EIF2AK2: variants seen among roughly 807,000 people sequenced by gnomAD.
EIF2AK2 encodes eukaryotic translation initiation factor 2 alpha kinase 2.
In EIF2AK2, 40 loss-of-function variants were observed where a neutral mutation model predicts 70.5. That is an observed-to-expected ratio of 0.57 (90% CI 0.44 to 0.74). The LOEUF (loss-of-function observed/expected upper bound fraction) is 0.74. Ranked by LOEUF, EIF2AK2 falls within the 30% of genes least tolerant of loss-of-function variation. The pLI, the probability that EIF2AK2 is intolerant of heterozygous loss-of-function variation, is 0.00. For synonymous variants in EIF2AK2, 198 were observed against 220.9 expected, an observed-to-expected ratio of 0.90 and a Z score of 0.92; for missense variants, 555 against 644.3, an observed-to-expected ratio of 0.86 and a Z score of 1.50.
intron 14 of EIF2AK2, 92 bp downstream of exon 14, chr2:37,114,639 G>A: frequency 2.5e-6 from 3 of 1,196,456 alleles, no homozygotes; most frequent in Non-Finnish European, 3.3e-6. Context: ...ATATACTTCT[G>A]TACAGTTTTA....
At chr2:37,145,469 T>C (rs1675499511) in intron 4 of EIF2AK2, among the ~76,000 whole-genome samples, 1 of 152,176 alleles carries the variant, frequency 6.6e-6, no homozygotes, top group Admixed American at 6.6e-5. Context: ...CTAAGTGTTA[T>C]TTGGAAAGAG....
In EIF2AK2 at chr2:37,100,624, T is replaced by A. The variant is rs1673805066; in HGVS notation, c.*6649A>T. The A allele has an allele frequency of 6.6e-6, 1 of 152,252 alleles. No individual in the cohort carries two copies. The highest frequency in any genetic ancestry group is 1.5e-5 in the Non-Finnish European group (1 of 68,046). 9.4% of individuals were successfully genotyped at this position (152,252 alleles called of 1,614,324 possible). A position where few individuals can be genotyped will look rare whatever the true frequency, so the allele number is the denominator to read the frequency against. ...AATGTAAGATTTGGATAAGTCATAA[T>A]CACAGATCAGAAACTGCAGACATTG... On this transcript the variant is annotated 3_prime_UTR_variant, in exon 17 of 17. Coordinates refer to ENST00000233057, the MANE Select transcript of EIF2AK2 (RefSeq NM_001135651.3).
intron 4 of EIF2AK2, among the ~76,000 whole-genome samples, chr2:37,143,222 C>CAAAAAAA (rs34947987): frequency 1.3e-4 from 15 of 112,218 alleles, no homozygotes; most frequent in Non-Finnish European, 2.1e-4. Flanking sequence ...GACTCTGTCT[C>CAAAAAAA]AAAAAAAAAA....
At chr2:37,115,084 G>T in intron 13 of EIF2AK2, 1 of 189,646 alleles carries the variant, frequency 5.3e-6, no homozygotes, top group Non-Finnish European at 1.0e-5. Context: ...GTCTCGCTCT[G>T]TCACCCAAGC....
At chr2:37,109,405 G>T in intron 14 of EIF2AK2, 110 bp from the exon 15 acceptor site, 1 of 869,072 alleles carries the variant, frequency 1.2e-6, no homozygotes, top group African/African-American at 1.7e-5. Flanking sequence ...ACAAAACAAT[G>T]TCTATTTATT....
rs1209830753 is a variant in EIF2AK2, at chr2:37,099,596, AAT to A, written c.*7675_*7676del. 6.6e-6 allele frequency: 1 copy of A among 152,214 alleles called. No individual in the cohort carries two copies. Among genetic ancestry groups the A allele is most frequent in the East Asian group, 1.9e-4 (1 of 5,202 alleles). The allele number at this position is 152,214 out of a possible 1,614,324, so 9.4% of individuals were successfully genotyped here. A position where few individuals can be genotyped will look rare whatever the true frequency, so the allele number is the denominator to read the frequency against. ...AATTTGGGTTCTGAAAGATGGATAT[AAT>A]TTTGATATGCAAAGTTATGAGGAAA... On this transcript the variant is annotated 3_prime_UTR_variant, in exon 17 of 17. Coordinates refer to ENST00000233057, the MANE Select transcript of EIF2AK2 (RefSeq NM_001135651.3).
In EIF2AK2 at chr2:37,146,435, G is replaced by C. The variant is rs139045359; in HGVS notation, c.240+418C>G. Reference sequence around the variant, plus strand: ...ATTTTGGCATCCACAGGGAGTCCTGGTACCAATTCCCCACAGAGAGTGAGT... The same window carrying C: ...ATTTTGGCATCCACAGGGAGTCCTGCTACCAATTCCCCACAGAGAGTGAGT... On this transcript the variant is annotated intron_variant, in intron 4 of 16. Transcript: ENST00000233057. Among the ~76,000 whole-genome samples, 193 of 152,268 alleles carry C rather than the reference G, an allele frequency of 1.3e-3. 1 individual carries two copies. The highest frequency in any genetic ancestry group is 4.1e-3 in the Admixed American group (63 of 15,304).
At chr2:37,130,127 G>A (rs1346004466) in intron 10 of EIF2AK2, among the ~76,000 whole-genome samples, 1 of 148,488 alleles carries the variant, frequency 6.7e-6, no homozygotes. Context: ...TTGAGATGGA[G>A]TCTTGCTCTT....
In EIF2AK2 at chr2:37,155,950, A is replaced by AAAAAAGAAAAG. The variant is rs10638880; in HGVS notation, c.-184+957_-184+958insCTTTTCTTTTT. On this transcript the variant is annotated intron_variant, in intron 1 of 16. Transcript: ENST00000233057. Reference sequence around the variant, plus strand: ...GTGAGAATCTGTCTCAAAAAAAAAAAAAAAGAAAAGAAAAGAAAGAAAATG... The same window carrying AAAAAAGAAAAG: ...GTGAGAATCTGTCTCAAAAAAAAAAAAAAAAGAAAAGAAAAGAAAAGAAAAGAAAGAAAATG... Among the ~76,000 whole-genome samples, 7 of 139,028 alleles carry AAAAAAGAAAAG rather than the reference A, an allele frequency of 5.0e-5. No individual in the cohort carries two copies. The East Asian group carries it at 6.6e-4, about 13-fold the overall frequency. The allele number at this position is 139,028 out of a possible 152,430, so 91.2% of individuals were successfully genotyped here. A position where few individuals can be genotyped will look rare whatever the true frequency, so the allele number is the denominator to read the frequency against.
rs766382621 is a variant in EIF2AK2 at position 37,120,093 on chromosome 2, C to G, written c.1114G>C (p.Gly372Arg). 6.7e-7 allele frequency: 1 copy of G among 1,493,068 alleles called. No individual in the cohort carries two copies. The highest frequency in any genetic ancestry group is 2.0e-5 in the Admixed American group (1 of 50,650). The allele number at this position is 1,493,068 out of a possible 1,614,324, so 92.5% of individuals were successfully genotyped here. The change falls in exon 13 of 17, where the codon GGG becomes CGG. Residue 372 changes from glycine to arginine, a missense_variant. Transcript: ENST00000233057. Reference protein sequence around the residue: ...LFIQMEFCDKGTLEQWIEKRR... With the variant: ...LFIQMEFCDKRTLEQWIEKRR... The stretch of plus-strand genomic sequence containing the variant: ...TTTTCAATCCATTGTTCCAAGGTCC[C>G]TTTATCACAGAATTCCATTTGGATG...
In EIF2AK2 at chr2:37,102,575, A is replaced by T. The variant is rs1673852613; in HGVS notation, c.*4698T>A. 1 of 152,198 alleles carries T rather than the reference A, an allele frequency of 6.6e-6. No individual in the cohort carries two copies. The allele number at this position is 152,198 out of a possible 1,614,324, so 9.4% of individuals were successfully genotyped here. A position where few individuals can be genotyped will look rare whatever the true frequency, so the allele number is the denominator to read the frequency against. On this transcript the variant is annotated 3_prime_UTR_variant, in exon 17 of 17. Coordinates refer to ENST00000233057, the MANE Select transcript of EIF2AK2 (RefSeq NM_001135651.3). The stretch of plus-strand genomic sequence containing the variant: ...TGTAGCCTTTTAAACATTTCTTCTC[A>T]GATACATACATGCATATATATGTAT...
Position 37,116,813 on chromosome 2 carries a change from C to T in EIF2AK2, c.1249-1954G>A, listed in dbSNP as rs369388292. Among the ~76,000 whole-genome samples, 22 of 152,286 alleles carry T rather than the reference C, an allele frequency of 1.4e-4. 1 individual carries two copies. The South Asian group carries it at 4.4e-3, about 30-fold the overall frequency. Reference sequence around the variant, plus strand: ...CTGCTAGTCCCACATAAGGCTATCACCTGACTCTAAGAAACAGAAAATTGA... The same window carrying T: ...CTGCTAGTCCCACATAAGGCTATCATCTGACTCTAAGAAACAGAAAATTGA... On this transcript the variant is annotated intron_variant, in intron 13 of 16. Coordinates refer to ENST00000233057, the MANE Select transcript of EIF2AK2 (RefSeq NM_001135651.3).
chr2:37,111,879 ATATATATATAT>A (rs1462080397), intron 14 of EIF2AK2, among the ~76,000 whole-genome samples: 501 of 41,166 alleles, frequency 0.012, 7 homozygotes, highest in Non-Finnish European at 0.017. Flanking sequence ...AAAAAAAAAA[ATATATATATAT>A]ATATATATAT....
At chr2:37,126,527 T>G in intron 10 of EIF2AK2, 116 bp from the exon 11 acceptor site, 46 of 1,339,086 alleles carry the variant, frequency 3.4e-5, no homozygotes, top group Non-Finnish European at 3.8e-5. Flanking sequence ...ACAAATTTGA[T>G]TCTCTCCTTC....
intron 10 of EIF2AK2, among the ~76,000 whole-genome samples, chr2:37,130,818 C>A (rs868604398): frequency 2.0e-5 from 3 of 152,194 alleles, no homozygotes; most frequent in Non-Finnish European, 4.4e-5. Context: ...AATATGTGGA[C>A]AATTTACTTC....
At chr2:37,120,722 G>T (rs973546777) in intron 12 of EIF2AK2, among the ~76,000 whole-genome samples, 5 of 149,596 alleles carry the variant, frequency 3.3e-5, no homozygotes, top group African/African-American at 1.2e-4. Context: ...TAGCACCTTG[G>T]GAGGCCGAGA....
At chr2:37,129,284 G>C (rs1674857882) in intron 10 of EIF2AK2, among the ~76,000 whole-genome samples, 2 of 152,120 alleles carry the variant, frequency 1.3e-5, no homozygotes, top group South Asian at 4.2e-4. Context: ...CTCTCCAGGA[G>C]TCTGTTTTCA....
chr2:37,143,421 T>C (rs1675411060), intron 4 of EIF2AK2, among the ~76,000 whole-genome samples: 1 of 152,208 alleles, frequency 6.6e-6, no homozygotes, highest in Admixed American at 6.5e-5. Flanking sequence ...ATATTGGTTC[T>C]CCATTACCTG....
chr2:37,156,645 G>A (rs1039060009), intron 1 of EIF2AK2, among the ~76,000 whole-genome samples: 3 of 152,182 alleles, frequency 2.0e-5, no homozygotes, highest in African/African-American at 4.8e-5. Context: ...AATTCTTCAC[G>A]GGAAGGAAAT....
Sources: allele counts gnomAD v4.1 joint callset (sites outside exome capture counted in the v4.1 genomes callset), GRCh38; gene constraint gnomAD v4.1.1; transcripts MANE v1.5; gene names NCBI Gene and HGNC (gene_info 2026-07-23, HGNC 2026-07-21).